The following MINDY2 variants were observed in gnomAD, a reference collection of about 807,000 sequenced individuals.
MINDY2 encodes MINDY lysine 48 deubiquitinase 2.
A neutral mutation model predicts 68.2 loss-of-function variants in MINDY2; 52 were observed. The observed-to-expected ratio is 0.76, with a 90% CI of 0.61 to 0.96. The LOEUF (loss-of-function observed/expected upper bound fraction) is 0.96. MINDY2 is among the 40% of genes least tolerant of loss of function. MINDY2 has a pLI of 0.00. For synonymous variants in MINDY2, 372 were observed against 303.0 expected (o/e 1.23, Z -2.36); for missense variants, 881 against 773.4 (o/e 1.14, Z -1.65).
At chr15:58,813,902 A>G (rs1000425900) in intron 4 of MINDY2, among the ~76,000 whole-genome samples, 4 of 150,690 alleles carry the variant, frequency 2.7e-5, no homozygotes, top group African/African-American at 4.9e-5. Context: ...TTAGGTAGCA[A>G]TATTTCATTG....
chr15:58,836,044 G>A (rs2031976847), intron 6 of MINDY2, among the ~76,000 whole-genome samples: 1 of 152,032 alleles, frequency 6.6e-6, no homozygotes, highest in Admixed American at 6.6e-5. Context: ...AGAGTAGCTG[G>A]GACTACAGGC....
chr15:58,783,004 T>C (rs596094), intron 1 of MINDY2, among the ~76,000 whole-genome samples: 37,115 of 146,530 alleles, frequency 0.25, 5,129 homozygotes, highest in East Asian at 0.62. Context: ...ACTGCAGCCT[T>C]TGTCTTCTGG....
chr15:58,804,534 G>A (rs985060683), intron 3 of MINDY2, among the ~76,000 whole-genome samples: 9 of 152,032 alleles, frequency 5.9e-5, no homozygotes, highest in East Asian at 3.9e-4. Flanking sequence ...AGCACCAGGC[G>A]TGGTGGCTCA....
intron 6 of MINDY2, among the ~76,000 whole-genome samples, chr15:58,833,532 A>G (rs2031846446): frequency 6.6e-6 from 1 of 152,178 alleles, no homozygotes; most frequent in Admixed American, 6.5e-5. Flanking sequence ...ATTGATCATT[A>G]TTGGGTGTGG....
At chr15:58,836,393 A>T (rs1183274491) in intron 6 of MINDY2, among the ~76,000 whole-genome samples, 1 of 152,140 alleles carries the variant, frequency 6.6e-6, no homozygotes, top group Non-Finnish European at 1.5e-5. Context: ...TCAAACCAGG[A>T]TCTAATCAAA....
At chr15:58,851,653 C>A in intron 7 of MINDY2, 118 bp from the exon 8 acceptor site, 1 of 794,966 alleles carries the variant, frequency 1.3e-6, no homozygotes, top group Non-Finnish European at 1.9e-6. Context: ...ATTGCCCAGG[C>A]CTGGTGTATT....
chr15:58,803,724 G>A (rs1902826149), intron 3 of MINDY2, among the ~76,000 whole-genome samples: 1 of 152,010 alleles, frequency 6.6e-6, no homozygotes, highest in African/African-American at 2.4e-5. Context: ...GTTGAGGCAT[G>A]AGAATTGCTT....
intron 5 of MINDY2, among the ~76,000 whole-genome samples, chr15:58,822,668 T>C (rs1214885791): frequency 6.6e-6 from 1 of 152,224 alleles, no homozygotes; most frequent in Admixed American, 6.5e-5. Context: ...AAAATCAGTT[T>C]AATATTTTTT....
Position 58,854,791 on chromosome 15 carries a change from T to C in MINDY2, c.*181T>C. On this transcript the variant is annotated 3_prime_UTR_variant, in exon 9 of 9. Transcript: ENST00000559228. ...CTTTTTCAAGTCACACAATACACTC[T>C]TTATGAGCTGGAGTTTCATGTTACA... is the stretch of plus-strand genomic sequence containing the variant. 2.0e-6 allele frequency: 1 copy of C among 504,280 alleles called. No homozygotes were observed. The highest frequency in any genetic ancestry group is 1.9e-5 in the African/African-American group (1 of 51,948). 31.2% of individuals were successfully genotyped at this position (504,280 alleles called of 1,614,324 possible).
chr15:58,798,911 G>A (rs1338418943), intron 2 of MINDY2, among the ~76,000 whole-genome samples: 1 of 152,188 alleles, frequency 6.6e-6, no homozygotes, highest in Non-Finnish European at 1.5e-5. Flanking sequence ...ATCTTGGTAT[G>A]TTAAATTTAT....
chr15:58,854,546 G>A lies in MINDY2; in HGVS notation c.1802G>A (p.Arg601Gln), dbSNP rs757892501. Reference protein sequence around the residue: ...GRQSGNSERKRKEPREKDKEK... With the variant: ...GRQSGNSERKQKEPREKDKEK... ...CAATCTGGGAATAGTGAACGTAAAC[G>A]GAAGGAACCACGAGAAAAAGATAAA... The change falls in exon 9 of 9, where the codon CGG becomes CAG. Residue 601 changes from arginine (R) to glutamine (Q), a missense_variant. Physicochemically the swap from Arg to Gln is conservative, Grantham distance 43 (BLOSUM62 1). Coordinates refer to ENST00000559228, the MANE Select transcript of MINDY2 (RefSeq NM_001040450.3). 1.1e-5 allele frequency: 18 copies of A among 1,613,374 alleles called. No homozygotes were observed. The highest frequency in any genetic ancestry group is 1.3e-5 in the African/African-American group (1 of 74,852).
In MINDY2 at chr15:58,856,150, A is replaced by G. The variant is rs1443579675; in HGVS notation, c.*1540A>G. 1 of 152,602 alleles carries G rather than the reference A, an allele frequency of 6.6e-6. No homozygotes were observed. The highest frequency in any genetic ancestry group is 1.5e-5 in the Non-Finnish European group (1 of 68,020). 9.5% of individuals were successfully genotyped at this position (152,602 alleles called of 1,614,324 possible). ...TGCCTTATATTTAAAAGTTTGTTTT[A>G]GTTATTTTGAAAGACTATTGCTGCT... On this transcript the variant is annotated 3_prime_UTR_variant, in exon 9 of 9. Transcript: ENST00000559228.
At chr15:58,838,381 G>A (rs2032106904) in intron 6 of MINDY2, among the ~76,000 whole-genome samples, 1 of 151,874 alleles carries the variant, frequency 6.6e-6, no homozygotes, top group South Asian at 2.1e-4. Flanking sequence ...CTGGGTGACA[G>A]AGCGAGACTC....
rs2033067276 is a variant in MINDY2, at chr15:58,856,556, G to A, written c.*1946G>A. On this transcript the variant is annotated 3_prime_UTR_variant, in exon 9 of 9. Transcript: ENST00000559228. ...GAACCTGTTTGGGATATAAAACTCTGATAGAAAATATTTAATGAGTATCTT... is the reference window on the plus strand; with the variant it reads ...GAACCTGTTTGGGATATAAAACTCTAATAGAAAATATTTAATGAGTATCTT... 1 of 152,240 alleles carries A rather than the reference G, an allele frequency of 6.6e-6. No homozygotes were observed. The highest frequency in any genetic ancestry group is 2.1e-4 in the South Asian group (1 of 4,832). The allele number at this position is 152,240 out of a possible 1,614,324, so 9.4% of individuals were successfully genotyped here.
At chr15:58,850,513 G>A (rs1174807503) in intron 7 of MINDY2, among the ~76,000 whole-genome samples, 8 of 152,176 alleles carry the variant, frequency 5.3e-5, no homozygotes, top group South Asian at 2.1e-4. Flanking sequence ...ATGGTTTTCA[G>A]TTTTGTCTGA....
intron 4 of MINDY2, among the ~76,000 whole-genome samples, chr15:58,813,981 A>T (rs2030489801): frequency 7.0e-6 from 1 of 143,720 alleles, no homozygotes; most frequent in Non-Finnish European, 1.5e-5. Context: ...TCTGTTGCCC[A>T]GGCTGGAGTG....
chr15:58,790,917 C>T (rs771616292), intron 2 of MINDY2, among the ~76,000 whole-genome samples: 7 of 151,998 alleles, frequency 4.6e-5, no homozygotes, highest in South Asian at 2.1e-4. Flanking sequence ...TGGTGGCTCA[C>T]GCCTGTAATC....
chr15:58,780,525 A>C (rs1188162727), intron 1 of MINDY2, among the ~76,000 whole-genome samples: 1 of 152,242 alleles, frequency 6.6e-6, no homozygotes, highest in Admixed American at 6.5e-5. Context: ...GATAAAGTTC[A>C]AGATAGCAAT....
At chr15:58,801,424 A>G (rs1258048753) in intron 2 of MINDY2, among the ~76,000 whole-genome samples, 1 of 76,754 alleles carries the variant, frequency 1.3e-5, no homozygotes, top group African/African-American at 4.7e-5. Context: ...ATAATTATAT[A>G]GGTAGAAAAT....
Sources: allele counts gnomAD v4.1 joint callset (sites outside exome capture counted in the v4.1 genomes callset), GRCh38; gene constraint gnomAD v4.1.1; transcripts MANE v1.5; gene names NCBI Gene and HGNC (gene_info 2026-07-23, HGNC 2026-07-21).